Variants in RGS20 observed in about 807,000 individuals in gnomAD.
RGS20 encodes regulator of G protein signaling 20.
A neutral mutation model predicts 33.6 loss-of-function variants in RGS20; 30 were observed. The ratio of observed to expected loss-of-function variants is 0.89; its 90% CI spans 0.67 to 1.21. The LOEUF is 1.21. RGS20 is among the 50% of genes most tolerant of loss of function. The probability of loss-of-function intolerance (pLI) is 0.00; values close to 1 mark genes in which losing one functional copy is unlikely to be tolerated. For missense variants in RGS20, 472 were observed against 502.4 expected (o/e 0.94, Z 0.58); for synonymous variants, 208 against 197.9 (o/e 1.05, Z -0.43).
chr8:53,954,689 CTTT>C (rs139245547), intron 5 of RGS20, among the ~76,000 whole-genome samples: 17 of 131,138 alleles, frequency 1.3e-4, no homozygotes, highest in Non-Finnish European at 1.8e-4. Flanking sequence ...AAGTAATTGC[CTTT>C]TTTTTTTTTT....
intron 5 of RGS20, 110 bp from the exon 5 acceptor site, chr8:53,958,156 AAAAC>A: frequency 1.3e-6 from 1 of 775,852 alleles, no homozygotes; most frequent in Non-Finnish European, 1.9e-6. Context: ...AAACAACAAA[AAAAC>A]CAAAAACAAA....
intron 1 of RGS20, among the ~76,000 whole-genome samples, chr8:53,865,616 G>A (rs1811902456): frequency 6.6e-6 from 1 of 152,120 alleles, no homozygotes. Flanking sequence ...TTGTTTGTTT[G>A]TTTGTTTTTG....
chr8:53,949,636 G>GC (rs1331822135), intron 4 of RGS20, among the ~76,000 whole-genome samples: 1 of 151,364 alleles, frequency 6.6e-6, no homozygotes, highest in Non-Finnish European at 1.5e-5. Flanking sequence ...AGAATTGCTT[G>GC]AACACTGGAG....
rs902291364 is a variant in RGS20, at chr8:53,925,118, C to T, written c.511-14458C>T. ...TGCCCATTGATTTACACTGCCATTG[C>T]GTTTCTGGTTGGAGGTATATTTATC... On this transcript the variant is annotated intron_variant, in intron 2 of 5. Transcript: ENST00000297313. Among the ~76,000 whole-genome samples, 4 of 152,090 alleles carry T rather than the reference C, an allele frequency of 2.6e-5. No homozygotes were observed. In the South Asian group the frequency reaches 6.2e-4, roughly 24 times the overall value.
At chr8:53,890,266 T>C (rs1812677438) in intron 2 of RGS20, among the ~76,000 whole-genome samples, 1 of 152,248 alleles carries the variant, frequency 6.6e-6, no homozygotes. Flanking sequence ...AGTTATTAAT[T>C]TCAGAACTTG....
intron 2 of RGS20, among the ~76,000 whole-genome samples, chr8:53,926,327 T>C (rs1362191457): frequency 1.3e-5 from 2 of 152,212 alleles, no homozygotes; most frequent in Non-Finnish European, 2.9e-5. Context: ...CCCCTGATGG[T>C]AGGATCCTGC....
chr8:53,899,913 G>GGT (rs1413046153), intron 2 of RGS20, among the ~76,000 whole-genome samples: 3 of 152,256 alleles, frequency 2.0e-5, no homozygotes, highest in African/African-American at 7.2e-5. Context: ...CAGACCTCCT[G>GGT]GTGCTTCCCT....
At chr8:53,859,268 A>T (rs1171128163) in intron 1 of RGS20, among the ~76,000 whole-genome samples, 1 of 152,254 alleles carries the variant, frequency 6.6e-6, no homozygotes, top group Non-Finnish European at 1.5e-5. Context: ...TCTAGCAAAC[A>T]TTCAGTAACT....
Position 53,879,421 on chromosome 8 carries a change from C to T in RGS20, c.329C>T (p.Ala110Val). The T allele has an allele frequency of 1.2e-6, 2 of 1,608,020 alleles. No individual in the cohort carries two copies. Among genetic ancestry groups the T allele is most frequent in the Non-Finnish European group, 1.7e-6 (2 of 1,177,980 alleles). ...CTGGACTTCTCCCCCCTGCTTCCCG[C>T]CCTGCCGGCCGCCCGGCTCTCGAGG... The change falls in exon 2 of 6, where the codon GCC becomes GTC. Residue 110 changes from alanine (A) to valine (V), a missense_variant. Physicochemically the swap from Ala to Val is moderately conservative, Grantham distance 64. Transcript: ENST00000297313.
intron 1 of RGS20, among the ~76,000 whole-genome samples, chr8:53,858,166 A>C (rs755381032): frequency 2.0e-5 from 3 of 152,192 alleles, no homozygotes; most frequent in Non-Finnish European, 2.9e-5. Context: ...AATGCCTTTC[A>C]AAGTAAAAAA....
At chr8:53,947,155 TATATTTATACACTCTATATAAGATATAGC>T (rs1157153475) in intron 4 of RGS20, among the ~76,000 whole-genome samples, 8 of 144,960 alleles carry the variant, frequency 5.5e-5, no homozygotes, top group South Asian at 2.1e-4. Context: ...ATATAGTATA[TATATTTATACACTCTATATAAGATATAGC>T]ATATTTATAC....
chr8:53,900,313 T>A (rs1319049411), intron 2 of RGS20, among the ~76,000 whole-genome samples: 1 of 152,100 alleles, frequency 6.6e-6, no homozygotes, highest in African/African-American at 2.4e-5. Context: ...GGCTGATTTT[T>A]AAATTTTTTT....
Position 53,939,613 on chromosome 8 carries a change from A to G in RGS20, c.548A>G (p.Gln183Arg). 6.2e-7 allele frequency: 1 copy of G among 1,604,896 alleles called. No individual in the cohort carries two copies. Among genetic ancestry groups the G allele is most frequent in the Non-Finnish European group, 8.5e-7 (1 of 1,176,294 alleles). ...GAGCGGATGGAGATGCGGAAGCGGC[A>G]GATGCCCGCCGCCCAGGACACACCA... The change falls in exon 3 of 6, where the codon CAG (glutamine) becomes CGG (arginine). Residue 183 changes from glutamine to arginine, a missense_variant. Physicochemically the swap from Gln to Arg is conservative, Grantham distance 43. Transcript: ENST00000297313.
rs374146405 is a variant in RGS20 at position 53,925,339 on chromosome 8, G to A, written c.511-14237G>A. On this transcript the variant is annotated intron_variant, in intron 2 of 5. Coordinates refer to ENST00000297313, the MANE Select transcript of RGS20 (RefSeq NM_170587.4). ...AACATTCACAATAGCTTTTTGGATG[G>A]AAGTGATGGGTGGAATGGATCAGCA... is the stretch of plus-strand genomic sequence containing the variant. 2.4e-4 allele frequency among the ~76,000 whole-genome samples: 36 copies of A among 152,188 alleles called. 1 individual carries two copies. The highest frequency in any genetic ancestry group is 8.2e-4 in the African/African-American group (34 of 41,522).
At chr8:53,865,297 T>C (rs1305034874) in intron 1 of RGS20, among the ~76,000 whole-genome samples, 2 of 152,234 alleles carry the variant, frequency 1.3e-5, no homozygotes, top group African/African-American at 4.8e-5. Context: ...GAACATCCAT[T>C]TTAACAAACC....
At chr8:53,943,212 C>A (rs1356953784) in intron 3 of RGS20, among the ~76,000 whole-genome samples, 2 of 152,068 alleles carry the variant, frequency 1.3e-5, no homozygotes, top group Non-Finnish European at 2.9e-5. Context: ...CAAACTTCAA[C>A]TGTTTTAATA....
chr8:53,889,721 TTCTG>T (rs1393684141), intron 2 of RGS20, among the ~76,000 whole-genome samples: 1 of 71,798 alleles, frequency 1.4e-5, no homozygotes, highest in East Asian at 3.9e-4. Flanking sequence ...TCTGTCAAAA[TTCTG>T]TGTGTGTGTG....
chr8:53,906,541 G>A (rs887033946), intron 2 of RGS20, among the ~76,000 whole-genome samples: 2 of 152,186 alleles, frequency 1.3e-5, no homozygotes, highest in Non-Finnish European at 2.9e-5. Flanking sequence ...AAGGCAGGAC[G>A]ACCTAGAGGA....
chr8:53,902,104 G>A lies in RGS20; in HGVS notation c.510+22502G>A, dbSNP rs149001017. On this transcript the variant is annotated intron_variant, in intron 2 of 5. Coordinates refer to ENST00000297313, the MANE Select transcript of RGS20 (RefSeq NM_170587.4). ...GCGACCTGGACTCACCACAACCTCT[G>A]CCTCCTGGACCCAAGGAATTCTCCC... is the stretch of plus-strand genomic sequence containing the variant. Among the ~76,000 whole-genome samples, 984 of 152,050 alleles carry A rather than the reference G, an allele frequency of 6.5e-3. 15 individuals are homozygous for A. Among genetic ancestry groups the A allele is most frequent in the Non-Finnish European group, 6.0e-3 (406 of 67,984 alleles).
Sources: allele counts gnomAD v4.1 joint callset (sites outside exome capture counted in the v4.1 genomes callset), GRCh38; gene constraint gnomAD v4.1.1; transcripts MANE v1.5; gene names NCBI Gene and HGNC (gene_info 2026-07-23, HGNC 2026-07-21).